Variants in CNTN3 observed in about 807,000 individuals in gnomAD.
The protein encoded by CNTN3 is contactin 3.
Under a neutral mutation model 119.1 loss-of-function variants are expected in CNTN3, and 60 were observed. The observed-to-expected ratio is 0.50, with a 90% CI of 0.41 to 0.62. The LOEUF (loss-of-function observed/expected upper bound fraction) is 0.62. CNTN3 is among the 20% of genes least tolerant of loss of function. The pLI is 0.00. For missense variants in CNTN3, 1,101 were observed against 1,242.4 expected, an observed-to-expected ratio of 0.89 and a Z score of 1.71; for synonymous variants, 450 against 438.7, an observed-to-expected ratio of 1.03 and a Z score of -0.32.
intron 20 of CNTN3, among the ~76,000 whole-genome samples, chr3:74,280,800 C>G (rs765603788): frequency 7.9e-5 from 12 of 152,162 alleles, no homozygotes; most frequent in Non-Finnish European, 1.6e-4. Flanking sequence ...ACAACGATGT[C>G]CTGGGGACAC....
chr3:74,332,005 G>A (rs996406242), intron 13 of CNTN3, among the ~76,000 whole-genome samples: 1 of 152,168 alleles, frequency 6.6e-6, no homozygotes, highest in Non-Finnish European at 1.5e-5. Flanking sequence ...ATAATTGGCT[G>A]ATTCAGTTCA....
chr3:74,411,082 T>A (rs1020952998), intron 5 of CNTN3, among the ~76,000 whole-genome samples: 1 of 152,074 alleles, frequency 6.6e-6, no homozygotes, highest in African/African-American at 2.4e-5. Context: ...TCCATCCCTT[T>A]CTTTCTTTTG....
intron 5 of CNTN3, among the ~76,000 whole-genome samples, chr3:74,407,167 T>C (rs947344970): frequency 1.3e-4 from 19 of 151,964 alleles, no homozygotes; most frequent in African/African-American, 4.6e-4. Flanking sequence ...TAAAGAAATG[T>C]GGAACTTTAG....
chr3:74,516,356 C>A (rs1304186720), intron 2 of CNTN3, among the ~76,000 whole-genome samples: 1 of 150,090 alleles, frequency 6.7e-6, no homozygotes, highest in East Asian at 1.9e-4. Flanking sequence ...TTCTTCCTCC[C>A]CAGTCTACTC....
intron 1 of CNTN3, among the ~76,000 whole-genome samples, chr3:74,582,221 A>C (rs1008753799): frequency 4.6e-5 from 7 of 152,118 alleles, no homozygotes; most frequent in African/African-American, 1.7e-4. Context: ...CCTGGCTAAC[A>C]CAGTGAAACT....
chr3:74,600,368 CA>C (rs1704890027), intron 1 of CNTN3, among the ~76,000 whole-genome samples: 1 of 152,000 alleles, frequency 6.6e-6, no homozygotes, highest in African/African-American at 2.4e-5. Context: ...CAATAGTTCC[CA>C]TTTACAGTTA....
In CNTN3 at chr3:74,262,723, A is replaced by G. The variant is rs2106732626; in HGVS notation, c.*1678T>C. On this transcript the variant is annotated 3_prime_UTR_variant, in exon 23 of 23. Coordinates refer to ENST00000263665, the MANE Select transcript of CNTN3 (RefSeq NM_020872.3). The stretch of plus-strand genomic sequence containing the variant: ...ATTGCTAGAAACAACATGAAACAAT[A>G]GAGCAATCATCTTGAAAATGAAAAG... 6.5e-6 allele frequency: 1 copy of G among 152,688 alleles called. No individual in the cohort carries two copies. Among genetic ancestry groups the G allele is most frequent in the East Asian group, 1.9e-4 (1 of 5,188 alleles). 9.5% of individuals were successfully genotyped at this position (152,688 alleles called of 1,614,324 possible).
intron 22 of CNTN3, among the ~76,000 whole-genome samples, chr3:74,265,222 T>C (rs571069471): frequency 5.2e-4 from 79 of 152,218 alleles, no homozygotes; most frequent in Admixed American, 1.7e-3. Context: ...TGGCCCTGTG[T>C]GGTCACTTGC....
intron 11 of CNTN3, among the ~76,000 whole-genome samples, chr3:74,350,136 T>G (rs991328627): frequency 5.3e-5 from 8 of 152,168 alleles, no homozygotes; most frequent in Non-Finnish European, 1.2e-4. Flanking sequence ...AAAATAACAT[T>G]TGGGTGGAAT....
intron 13 of CNTN3, among the ~76,000 whole-genome samples, chr3:74,327,057 G>T (rs74382211): frequency 0.011 from 1,524 of 143,342 alleles, 13 homozygotes; most frequent in Non-Finnish European, 0.016. Context: ...TTGATATGAT[G>T]TATGTACATT....
intron 5 of CNTN3, among the ~76,000 whole-genome samples, chr3:74,393,044 T>C (rs1704954454): frequency 1.3e-5 from 2 of 152,136 alleles, no homozygotes; most frequent in African/African-American, 2.4e-5. Flanking sequence ...TCTATCCACA[T>C]TGTACCTTTT....
At chr3:74,416,882 G>A (rs1203701843) in intron 5 of CNTN3, among the ~76,000 whole-genome samples, 1 of 152,014 alleles carries the variant, frequency 6.6e-6, no homozygotes, top group Non-Finnish European at 1.5e-5. Context: ...CAGCTACTCG[G>A]GAGGTTGAGG....
At chr3:74,579,440 G>T in intron 1 of CNTN3, among the ~76,000 whole-genome samples, 1 of 151,036 alleles carries the variant, frequency 6.6e-6, no homozygotes, top group East Asian at 1.9e-4. Context: ...AGGCATTTAT[G>T]GAATACCAAC....
chr3:74,412,688 A>G (rs1701459275), intron 5 of CNTN3, among the ~76,000 whole-genome samples: 2 of 152,176 alleles, frequency 1.3e-5, no homozygotes, highest in South Asian at 4.1e-4. Flanking sequence ...TGTTTCATCC[A>G]TACCATTTAA....
intron 4 of CNTN3, among the ~76,000 whole-genome samples, chr3:74,476,902 T>C (rs1043112455): frequency 2.6e-5 from 4 of 151,548 alleles, no homozygotes; most frequent in Admixed American, 2.0e-4. Flanking sequence ...AGATACAGAA[T>C]GGAAAATATG....
chr3:74,606,354 T>C (rs1704992793), intron 1 of CNTN3, among the ~76,000 whole-genome samples: 1 of 152,010 alleles, frequency 6.6e-6, no homozygotes, highest in South Asian at 2.1e-4. Flanking sequence ...ATGTCTGTAA[T>C]TCATCCCTCA....
chr3:74,475,335 A>G (rs1359160156), intron 4 of CNTN3, among the ~76,000 whole-genome samples: 5 of 152,194 alleles, frequency 3.3e-5, no homozygotes, highest in African/African-American at 1.2e-4. Context: ...GAAAGCCACA[A>G]AGCAGACTTA....
intron 1 of CNTN3, among the ~76,000 whole-genome samples, chr3:74,586,092 A>C (rs1399741264): frequency 6.6e-6 from 1 of 152,126 alleles, no homozygotes; most frequent in African/African-American, 2.4e-5. Context: ...GGTGTCTTCA[A>C]ACTCCAAAGA....
At chr3:74,600,988 G>A (rs1704900217) in intron 1 of CNTN3, among the ~76,000 whole-genome samples, 1 of 151,218 alleles carries the variant, frequency 6.6e-6, no homozygotes, top group Non-Finnish European at 1.5e-5. Flanking sequence ...GGTTAGTGTT[G>A]TTGTCTTTAT....
Sources: allele counts gnomAD v4.1 joint callset (sites outside exome capture counted in the v4.1 genomes callset), GRCh38; gene constraint gnomAD v4.1.1; transcripts MANE v1.5; gene names NCBI Gene and HGNC (gene_info 2026-07-23, HGNC 2026-07-21).